The following NALF1 variants were observed in gnomAD, a reference collection of about 807,000 sequenced individuals.
NALF1 encodes family with sequence similarity 155 member A.
A neutral mutation model predicts 48.4 loss-of-function variants in NALF1; 3 were observed. The observed-to-expected ratio is 0.06, with a 90% CI of 0.03 to 0.16. The LOEUF is 0.16. NALF1 is among the 10% of genes least tolerant of loss of function. NALF1 has a pLI of 1.00. For missense variants in NALF1, 526 were observed against 571.5 expected, an observed-to-expected ratio of 0.92 and a Z score of 0.81; for synonymous variants, 262 against 245.7, an observed-to-expected ratio of 1.07 and a Z score of -0.62.
rs867927434 is a variant in NALF1 at position 107,741,466 on chromosome 13, C to A, written c.915+124216G>T. Among the ~76,000 whole-genome samples the A allele has an allele frequency of 4.1e-4, 62 of 152,126 alleles. 1 individual carries two copies. Among genetic ancestry groups the A allele is most frequent in the Middle Eastern group, 6.8e-3 (2 of 294 alleles). On this transcript the variant is annotated intron_variant, in intron 1 of 2. Coordinates refer to ENST00000375915, the MANE Select transcript of NALF1 (RefSeq NM_001080396.3). Reference sequence around the variant, plus strand: ...ATGCCTACTGAGTACTTACCTTAACCCATTCACTATCGTATGTAGGAGCAA... The same window carrying A: ...ATGCCTACTGAGTACTTACCTTAACACATTCACTATCGTATGTAGGAGCAA...
intron 1 of NALF1, among the ~76,000 whole-genome samples, chr13:107,315,994 C>T (rs1403453432): frequency 2.0e-5 from 3 of 151,912 alleles, no homozygotes; most frequent in Non-Finnish European, 4.4e-5. Context: ...GTGTGCTGCA[C>T]CCATTAACTT....
At chr13:107,586,864 G>C (rs1051495669) in intron 1 of NALF1, among the ~76,000 whole-genome samples, 44 of 151,798 alleles carry the variant, frequency 2.9e-4, no homozygotes, top group African/African-American at 1.0e-3. Flanking sequence ...TGTCATAGTA[G>C]AAGGAGAAAT....
intron 1 of NALF1, among the ~76,000 whole-genome samples, chr13:107,648,903 T>C (rs1028356044): frequency 6.6e-6 from 1 of 152,182 alleles, no homozygotes; most frequent in African/African-American, 2.4e-5. Context: ...TATCTCATTA[T>C]CGTTTTAATT....
intron 1 of NALF1, among the ~76,000 whole-genome samples, chr13:107,276,438 G>T (rs527857613): frequency 6.6e-6 from 1 of 152,196 alleles, no homozygotes; most frequent in East Asian, 1.9e-4. Flanking sequence ...AGATTACGTA[G>T]TAGATGCCAA....
At chr13:107,348,937 C>A (rs910416634) in intron 1 of NALF1, among the ~76,000 whole-genome samples, 11 of 152,162 alleles carry the variant, frequency 7.2e-5, no homozygotes, top group Non-Finnish European at 2.9e-5. Flanking sequence ...TGCAAAGATG[C>A]CAATACCTGG....
intron 1 of NALF1, among the ~76,000 whole-genome samples, chr13:107,540,491 A>G (rs1876970228): frequency 6.6e-6 from 1 of 152,028 alleles, no homozygotes; most frequent in African/African-American, 2.4e-5. Flanking sequence ...CCTAAAGTAA[A>G]TATTTTATAT....
chr13:107,772,979 G>C (rs1877620964), intron 1 of NALF1, among the ~76,000 whole-genome samples: 1 of 152,112 alleles, frequency 6.6e-6, no homozygotes, highest in African/African-American at 2.4e-5. Flanking sequence ...CATTTGAAAA[G>C]AGGGTTTTTT....
intron 1 of NALF1, among the ~76,000 whole-genome samples, chr13:107,670,310 ACACACACAGG>A (rs1317557493): frequency 6.6e-6 from 1 of 152,122 alleles, no homozygotes; most frequent in East Asian, 1.9e-4. Flanking sequence ...ACAAGTACAC[ACACACACAGG>A]CACACACATA....
At chr13:107,660,044 A>G (rs1008172040) in intron 1 of NALF1, among the ~76,000 whole-genome samples, 22 of 152,130 alleles carry the variant, frequency 1.4e-4, no homozygotes, top group Middle Eastern at 3.4e-3. Flanking sequence ...TATTTTCAGT[A>G]AAGTAGAAGA....
intron 1 of NALF1, among the ~76,000 whole-genome samples, chr13:107,395,769 T>C (rs996254231): frequency 3.3e-5 from 5 of 152,146 alleles, no homozygotes; most frequent in Non-Finnish European, 7.4e-5. Context: ...CATAGACTTG[T>C]AGACGGCCGT....
chr13:107,242,338 A>C (rs1880488104), intron 1 of NALF1, among the ~76,000 whole-genome samples: 1 of 152,180 alleles, frequency 6.6e-6, no homozygotes, highest in Non-Finnish European at 1.5e-5. Flanking sequence ...CATGCTGGGA[A>C]GGCCCTTCCC....
intron 1 of NALF1, among the ~76,000 whole-genome samples, chr13:107,310,332 C>T (rs1210464060): frequency 2.0e-5 from 3 of 151,326 alleles, no homozygotes; most frequent in South Asian, 4.2e-4. Context: ...ATCACTTGAA[C>T]TCGGCAAGCA....
chr13:107,271,795 TA>T (rs1215740025), intron 1 of NALF1, among the ~76,000 whole-genome samples: 16,070 of 133,968 alleles, frequency 0.12, 1,493 homozygotes, highest in Non-Finnish European at 0.17. Context: ...TATATATATA[TA>T]TATATATATA....
intron 1 of NALF1, among the ~76,000 whole-genome samples, chr13:107,728,641 T>A (rs762038525): frequency 2.0e-3 from 301 of 152,056 alleles, no homozygotes; most frequent in Non-Finnish European, 3.7e-3. Context: ...ATGGCACATG[T>A]ATACATATGT....
intron 1 of NALF1, among the ~76,000 whole-genome samples, chr13:107,317,403 T>A (rs1042090202): frequency 1.3e-5 from 2 of 152,074 alleles, no homozygotes; most frequent in African/African-American, 4.8e-5. Flanking sequence ...GTATTGACTT[T>A]TATCCATTTT....
intron 1 of NALF1, among the ~76,000 whole-genome samples, chr13:107,747,850 C>T (rs1195331486): frequency 6.6e-6 from 1 of 152,074 alleles, no homozygotes; most frequent in African/African-American, 2.4e-5. Context: ...CATGCACACG[C>T]ACAACTTAAG....
chr13:107,803,206 A>T (rs1302174096), intron 1 of NALF1, among the ~76,000 whole-genome samples: 1 of 152,206 alleles, frequency 6.6e-6, no homozygotes, highest in Non-Finnish European at 1.5e-5. Flanking sequence ...ATTTGAAAGA[A>T]GCGAACAAAT....
intron 1 of NALF1, among the ~76,000 whole-genome samples, chr13:107,772,904 A>C (rs536668455): frequency 1.2e-4 from 19 of 152,342 alleles, no homozygotes; most frequent in Middle Eastern, 3.4e-3. Flanking sequence ...TTATTTCCCC[A>C]TTAAAAAATA....
At chr13:107,751,268 A>G (rs1169571629) in intron 1 of NALF1, among the ~76,000 whole-genome samples, 1 of 152,196 alleles carries the variant, frequency 6.6e-6, no homozygotes, top group African/African-American at 2.4e-5. Flanking sequence ...AGCTTTGCCC[A>G]CGGTAGAGGT....
Sources: gnomAD v4.1 joint callset for allele counts (sites outside exome capture counted in the v4.1 genomes callset) on GRCh38, gnomAD v4.1.1 for gene constraint, MANE v1.5 for transcripts, NCBI Gene and HGNC (gene_info 2026-07-23, HGNC 2026-07-21) for gene names.